SLC40A1: variants seen among roughly 807,000 people sequenced by gnomAD.
SLC40A1 encodes solute carrier family 40 member 1, also known as ferroportin.
SLC40A1 carries 16 observed loss-of-function variants against 53.5 expected under a neutral mutation model. The observed-to-expected ratio is 0.30, with a 90% CI of 0.20 to 0.45. The LOEUF (loss-of-function observed/expected upper bound fraction) is 0.45. SLC40A1 is among the 20% of genes least tolerant of loss of function. The probability of loss-of-function intolerance (pLI) is 1.00; values close to 1 mark genes in which losing one functional copy is unlikely to be tolerated. For missense variants in SLC40A1, 545 were observed against 695.4 expected (o/e 0.78, Z 2.43); for synonymous variants, 247 against 253.2 (o/e 0.98, Z 0.23).
intron 5 of SLC40A1, among the ~76,000 whole-genome samples, chr2:189,566,726 T>C (rs955737821): frequency 6.6e-6 from 1 of 152,208 alleles, no homozygotes; most frequent in Admixed American, 6.5e-5. Context: ...GGAAGCTTTC[T>C]TCTCATTTAT....
chr2:189,571,120 G>T (rs991817962), intron 5 of SLC40A1, among the ~76,000 whole-genome samples: 3 of 152,076 alleles, frequency 2.0e-5, no homozygotes, highest in African/African-American at 7.2e-5. Context: ...GATGTTCTTT[G>T]ACCACTTGTT....
intron 2 of SLC40A1, chr2:189,578,109 A>G (rs1357651382): frequency 1.5e-6 from 1 of 666,080 alleles, no homozygotes; most frequent in African/African-American, 2.0e-5. Context: ...GAAAATGCAT[A>G]TATATATAAT....
chr2:189,562,293 C>A (rs1386962867), intron 7 of SLC40A1, 102 bp from the exon 8 acceptor site: 2 of 895,136 alleles, frequency 2.2e-6, no homozygotes, highest in Middle Eastern at 3.3e-4. Flanking sequence ...TACATTTTAG[C>A]CTGACTGTCT....
intron 2 of SLC40A1, among the ~76,000 whole-genome samples, chr2:189,579,351 A>G (rs1376012133): frequency 1.3e-5 from 2 of 152,230 alleles, no homozygotes; most frequent in Non-Finnish European, 2.9e-5. Context: ...GAATGTTATT[A>G]TTAGCTTAAG....
intron 5 of SLC40A1, among the ~76,000 whole-genome samples, chr2:189,571,382 A>C (rs1016752527): frequency 2.0e-5 from 3 of 152,002 alleles, no homozygotes; most frequent in Admixed American, 6.6e-5. Flanking sequence ...GACCAGTAAA[A>C]TCTCATGTCA....
intron 5 of SLC40A1, among the ~76,000 whole-genome samples, chr2:189,566,162 C>T (rs905271854): frequency 6.6e-6 from 1 of 151,896 alleles, no homozygotes; most frequent in African/African-American, 2.4e-5. Flanking sequence ...CTAAATAAGG[C>T]GAGGTCAGAG....
At chr2:189,576,441 A>C (rs1002183279) in intron 2 of SLC40A1, among the ~76,000 whole-genome samples, 1 of 152,200 alleles carries the variant, frequency 6.6e-6, no homozygotes, top group African/African-American at 2.4e-5. Flanking sequence ...TCAAAACTTA[A>C]ATTGATGCAT....
chr2:189,567,887 T>C (rs10188230), intron 5 of SLC40A1, among the ~76,000 whole-genome samples: 12,848 of 152,240 alleles, frequency 0.084, 1,342 homozygotes, highest in African/African-American at 0.24. Context: ...CCAACTCATA[T>C]GCCAACAGAG....
At chr2:189,566,769 A>G (rs1299973160) in intron 5 of SLC40A1, among the ~76,000 whole-genome samples, 1 of 152,210 alleles carries the variant, frequency 6.6e-6, no homozygotes, top group Non-Finnish European at 1.5e-5. Flanking sequence ...AAGCCAGGTC[A>G]TTGACGAAAG....
intron 5 of SLC40A1, among the ~76,000 whole-genome samples, chr2:189,570,113 T>C (rs59193157): frequency 0.037 from 5,502 of 150,542 alleles, 164 homozygotes; most frequent in East Asian, 0.11. Context: ...TATATATGTG[T>C]ATATATATGT....
At chr2:189,577,797 T>G (rs1450903062) in intron 2 of SLC40A1, among the ~76,000 whole-genome samples, 1 of 151,956 alleles carries the variant, frequency 6.6e-6, no homozygotes, top group African/African-American at 2.4e-5. Flanking sequence ...AATTTTTTTT[T>G]GCAGAGACAG....
intron 5 of SLC40A1, among the ~76,000 whole-genome samples, chr2:189,567,256 A>G (rs2030966034): frequency 6.6e-6 from 1 of 152,218 alleles, no homozygotes; most frequent in Non-Finnish European, 1.5e-5. Flanking sequence ...TGGATGCCTA[A>G]GACTGAGATT....
In SLC40A1 at chr2:189,577,433, G is replaced by A. The variant is rs572256501; in HGVS notation, c.112-2113C>T. 1.1e-4 allele frequency among the ~76,000 whole-genome samples: 16 copies of A among 152,314 alleles called. No homozygotes were observed. The East Asian group carries it at 1.5e-3, about 15-fold the overall frequency. On this transcript the variant is annotated intron_variant, in intron 2 of 7. Transcript: ENST00000261024. ...TGAGCAAAGTGAGCCTCTGGGAAAC[G>A]AGGGCTGGAGAAATGCAGACATATT...
chr2:189,570,064 G>GTA (rs1193243545), intron 5 of SLC40A1, among the ~76,000 whole-genome samples: 46 of 148,274 alleles, frequency 3.1e-4, no homozygotes, highest in Non-Finnish European at 4.6e-4. Flanking sequence ...ATATATGTAT[G>GTA]TATATATATA....
In SLC40A1 at chr2:189,563,644, C is replaced by T; in HGVS notation, c.1342G>A (p.Glu448Lys). The part of the protein sequence containing the change: ...SANIVPETSP[E>K]SVPIISVSLL... ...CTGACAGAGATTATGGGCACAGATT[C>T]AGGACTTGTCTCCGGGACAATATTA... is the stretch of plus-strand genomic sequence containing the variant. The change falls in exon 7 of 8, where the codon GAA becomes AAA. Residue 448 changes from glutamate to lysine, a missense_variant. Transcript: ENST00000261024. 6.2e-7 allele frequency: 1 copy of T among 1,614,152 alleles called. No homozygotes were observed. The highest frequency in any genetic ancestry group is 8.5e-7 in the Non-Finnish European group (1 of 1,180,012).
At chr2:189,571,944 A>G in intron 4 of SLC40A1, 103 bp from the exon 5 acceptor site, 1 of 804,908 alleles carries the variant, frequency 1.2e-6, no homozygotes, top group South Asian at 1.4e-5. Flanking sequence ...GGAATGATAA[A>G]AAAAGTATTT....
intron 5 of SLC40A1, among the ~76,000 whole-genome samples, chr2:189,566,766 G>A (rs776211632): frequency 6.6e-6 from 1 of 152,182 alleles, no homozygotes; most frequent in Non-Finnish European, 1.5e-5. Context: ...ACAAAGCCAG[G>A]TCATTGACGA....
intron 2 of SLC40A1, among the ~76,000 whole-genome samples, chr2:189,579,468 T>C (rs1404098747): frequency 6.6e-6 from 1 of 152,214 alleles, no homozygotes; most frequent in Non-Finnish European, 1.5e-5. Flanking sequence ...AGAGAAGGTA[T>C]ATGAGACATC....
In SLC40A1 at chr2:189,572,594, A is replaced by T. The variant is rs2031164560; in HGVS notation, c.387+252T>A. 5 of 555,640 alleles carry T rather than the reference A, an allele frequency of 9.0e-6. No homozygotes were observed. In the South Asian group the frequency reaches 1.1e-4, roughly 12 times the overall value. The allele number at this position is 555,640 out of a possible 1,614,324, so 34.4% of individuals were successfully genotyped here. ...TAAAAAGCTGAAAACAAACAACTGA[A>T]TTCTATAGTAAACTCTTAGAAATGC... On this transcript the variant is annotated intron_variant, in intron 4 of 7. Transcript: ENST00000261024.
Sources: allele counts gnomAD v4.1 joint callset (sites outside exome capture counted in the v4.1 genomes callset), GRCh38; gene constraint gnomAD v4.1.1; transcripts MANE v1.5; gene names NCBI Gene and HGNC (gene_info 2026-07-23, HGNC 2026-07-21).